PHKG1: variants seen among roughly 807,000 people sequenced by gnomAD.
The protein encoded by PHKG1 is phosphorylase b kinase gamma catalytic chain, skeletal muscle/heart isoform.
A neutral mutation model predicts 50.5 loss-of-function variants in PHKG1; 48 were observed. The ratio of observed to expected loss-of-function variants is 0.95; its 90% confidence interval spans 0.75 to 1.21. The LOEUF is 1.21. PHKG1 is among the 50% of genes most tolerant of loss of function. The probability of loss-of-function intolerance (pLI) is 0.00; values close to 1 mark genes in which losing one functional copy is unlikely to be tolerated. For synonymous variants in PHKG1, 204 were observed against 212.8 expected, an observed-to-expected ratio of 0.96 and a Z score of 0.36; for missense variants, 487 against 519.5, an observed-to-expected ratio of 0.94 and a Z score of 0.61.
intron 5 of PHKG1, 101 bp from the exon 6 acceptor site, chr7:56,083,542 C>G: frequency 6.6e-7 from 1 of 1,521,028 alleles, no homozygotes; most frequent in Non-Finnish European, 9.1e-7. Context: ...GGGAGCAGCA[C>G]ACACGCCCAG....
chr7:56,084,350 AGAAG>A, intron 4 of PHKG1: 1 of 611,410 alleles, frequency 1.6e-6, no homozygotes, highest in Middle Eastern at 2.6e-4. Context: ...GACCCAGATC[AGAAG>A]GACGTGAGTA....
chr7:56,086,935 C>G, intron 4 of PHKG1, 35 bp downstream of exon 4: 1 of 1,573,988 alleles, frequency 6.4e-7, no homozygotes, highest in Non-Finnish European at 8.7e-7. Flanking sequence ...CGGAGGTTCT[C>G]TCAGGTGTGG....
At position 56,092,842 on chromosome 7, in the gene PHKG1, G is replaced by T. The variant is rs1796540774; in HGVS notation, c.-41C>A. The T allele has an allele frequency of 6.6e-6, 1 of 152,364 alleles. No individual in the cohort carries two copies. 9.4% of individuals were successfully genotyped at this position (152,364 alleles called of 1,614,324 possible). ...CACTGGGCTAGCTACTCACGGTTAA[G>T]TGCTTGCAGGCTCTTGAAGGAGCTT... On this transcript the variant is annotated 5_prime_UTR_variant, in exon 1 of 10. Coordinates refer to ENST00000297373, the MANE Select transcript of PHKG1 (RefSeq NM_006213.5).
rs1796105307 is a variant in PHKG1, at chr7:56,083,318, A to G, written c.507T>C (p.Phe169=). The change falls in exon 6 of 10, where the codon TTT becomes TTC. Residue 169 remains phenylalanine (F), a synonymous_variant. Coordinates refer to ENST00000297373, the MANE Select transcript of PHKG1 (RefSeq NM_006213.5). ...CCGGCTCCAGCTGGCAGGAAAAGCC[A>G]AAGTCTGTGAGCTTGATGTTCATGT... ...DDNMNIKLTD[F]GFSCQLEPGE... 1 of 1,613,956 alleles carries G rather than the reference A, an allele frequency of 6.2e-7. No individual in the cohort carries two copies. Among genetic ancestry groups the G allele is most frequent in the African/African-American group, 1.3e-5 (1 of 74,930 alleles).
At position 56,083,629 on chromosome 7, in the gene PHKG1, G is replaced by T. The variant is rs112283230; in HGVS notation, c.383+21C>A. 3.9e-4 allele frequency: 618 copies of T among 1,572,582 alleles called. 3 individuals are homozygous for T. The African/African-American group carries it at 7.1e-3, about 18-fold the overall frequency. On this transcript the variant is annotated intron_variant, in intron 5 of 9. Transcript: ENST00000297373. ...TAAGCCACGTGGGAGGGAGCGGAGA[G>T]AAGGGCAAAGGGACCCTCACCTGGT...
In PHKG1 at chr7:56,083,144, C is replaced by G. The variant is rs1796097307; in HGVS notation, c.547+134G>C. On this transcript the variant is annotated intron_variant, in intron 6 of 9. Coordinates refer to ENST00000297373, the MANE Select transcript of PHKG1 (RefSeq NM_006213.5). ...AAGAAAGAAAAAGAAAAAAAAATCC[C>G]TAGCCCTTGAAATGGTGGAATTTTT... The G allele has an allele frequency of 5.3e-6, 4 of 750,324 alleles. No homozygotes were observed. The South Asian group carries it at 6.1e-5, about 11-fold the overall frequency. 46.5% of individuals were successfully genotyped at this position (750,324 alleles called of 1,614,324 possible). A position where few individuals can be genotyped will look rare whatever the true frequency, so the allele number is the denominator to read the frequency against.
At chr7:56,084,371 T>TTTA (rs1796160844) in intron 4 of PHKG1, 1 of 93,796 alleles carries the variant, frequency 1.1e-5, no homozygotes, top group African/African-American at 3.5e-5. Flanking sequence ...AGTATCCCGA[T>TTTA]TTTTTTTTTT....
chr7:56,091,282 C>T (rs557203328), intron 1 of PHKG1, among the ~76,000 whole-genome samples: 62 of 151,544 alleles, frequency 4.1e-4, no homozygotes, highest in African/African-American at 1.4e-3. Context: ...TTTGGGAGGC[C>T]GAGGCAGGAG....
Position 56,081,145 on chromosome 7 carries a change from C to T in PHKG1, c.1073G>A (p.Trp358Ter), listed in dbSNP as rs1185186306. ...DAYAFRIYGH[W>*]VKKGQQQNRA... ...GTTCTGCTGCTGCCCCTTCTTCACCCAGTGGCCATAGATTCGGAAAGCGTA... is the reference window on the plus strand; with the variant it reads ...GTTCTGCTGCTGCCCCTTCTTCACCTAGTGGCCATAGATTCGGAAAGCGTA... Residue 358 changes from tryptophan (W) to a stop codon, truncating the protein, a stop_gained, in exon 10 of 10, where the codon TGG becomes TAG. Transcript: ENST00000297373. LOFTEE classifies it high-confidence loss of function. This position sits in a 1 kb window ranked among gnomAD's most constrained non-coding sequence, Gnocchi z 4.6. The T allele has an allele frequency of 1.9e-6, 3 of 1,613,788 alleles. No homozygotes were observed. The highest frequency in any genetic ancestry group is 8.5e-7 in the Non-Finnish European group (1 of 1,179,926).
chr7:56,090,025 T>C (rs1796436079), intron 1 of PHKG1, among the ~76,000 whole-genome samples: 1 of 152,138 alleles, frequency 6.6e-6, no homozygotes, highest in Admixed American at 6.6e-5. Context: ...GTTGTGACTG[T>C]GTTCTCTGAA....
rs1407042813 is a variant in PHKG1 at position 56,081,214 on chromosome 7, C to T, written c.1004G>A (p.Arg335Gln). Residue 335 changes from arginine to glutamine, a missense_variant, in exon 10 of 10, where the codon CGA (arginine) becomes CAA (glutamine). Arg to Gln is a conservative substitution (Grantham distance 43). Coordinates refer to ENST00000297373, the MANE Select transcript of PHKG1 (RefSeq NM_006213.5). This position sits in a 1 kb window ranked among gnomAD's most constrained non-coding sequence, Gnocchi z 4.6. Reference sequence around the variant, plus strand: ...CAGAGGCCGGAGGGCATAGGGGTCTCGGATGACGATCTCCCGGGTCACAGG... The same window carrying T: ...CAGAGGCCGGAGGGCATAGGGGTCTTGGATGACGATCTCCCGGGTCACAGG... ...VKPVTREIVIRDPYALRPLRR... is the reference protein window; with the variant it reads ...VKPVTREIVIQDPYALRPLRR... The T allele has an allele frequency of 8.7e-6, 14 of 1,613,694 alleles. No homozygotes were observed. The highest frequency in any genetic ancestry group is 3.3e-5 in the Admixed American group (2 of 59,998).
chr7:56,086,369 G>C (rs143618044), intron 4 of PHKG1, among the ~76,000 whole-genome samples: 98 of 151,996 alleles, frequency 6.4e-4, no homozygotes, highest in Middle Eastern at 6.8e-3. Context: ...TAATAAAATA[G>C]AACAATTATA....
At chr7:56,087,986 C>T (rs1423889822) in intron 2 of PHKG1, among the ~76,000 whole-genome samples, 1 of 140,136 alleles carries the variant, frequency 7.1e-6, no homozygotes, top group African/African-American at 2.7e-5. Flanking sequence ...GCTCTCAGGC[C>T]GTGTGACTCT....
Position 56,082,238 on chromosome 7 carries a change from G to A in PHKG1, c.563C>T (p.Pro188Leu), listed in dbSNP as rs758449839. The change falls in exon 7 of 10, where the codon CCC (proline) becomes CTC (leucine). Residue 188 changes from proline (P) to leucine (L), a missense_variant. Coordinates refer to ENST00000297373, the MANE Select transcript of PHKG1 (RefSeq NM_006213.5). ...GERLREVCGT[P>L]SYLAPEIIEC... ...GATAATCTCAGGGGCCAGGTAACTG[G>A]GGGTCCCGCAGACCTCTGCAGGAAC... 2 of 1,613,486 alleles carry A rather than the reference G, an allele frequency of 1.2e-6. No individual in the cohort carries two copies. The highest frequency in any genetic ancestry group is 1.7e-6 in the Non-Finnish European group (2 of 1,179,932).
chr7:56,092,146 A>T (rs1024738354), intron 1 of PHKG1, among the ~76,000 whole-genome samples: 1 of 152,206 alleles, frequency 6.6e-6, no homozygotes, highest in Non-Finnish European at 1.5e-5. Context: ...TGGGGGGCTG[A>T]GGAGGCGGTT....
Position 56,089,835 on chromosome 7 carries a change from G to GT in PHKG1, c.-34-861dup, listed in dbSNP as rs553597413. Among the ~76,000 whole-genome samples, 921 of 151,926 alleles carry GT rather than the reference G, an allele frequency of 6.1e-3. 2 individuals carry two copies. Among genetic ancestry groups the GT allele is most frequent in the Non-Finnish European group, 8.7e-3 (594 of 67,936 alleles). On this transcript the variant is annotated intron_variant, in intron 1 of 9. Coordinates refer to ENST00000297373, the MANE Select transcript of PHKG1 (RefSeq NM_006213.5). ...CACCATGCCAGGCCCTAATATTTAA[G>GT]TTTTTTGTAGAGACGGGGTCTCCCT...
In PHKG1 at chr7:56,083,707, C is replaced by T. The variant is rs1426799657; in HGVS notation, c.326G>A (p.Arg109Lys). Residue 109 changes from arginine to lysine, a missense_variant, in exon 5 of 10, where the codon AGA (arginine) becomes AAA (lysine). Physicochemically the swap from Arg to Lys is conservative, Grantham distance 26 (BLOSUM62 2). Coordinates refer to ENST00000297373, the MANE Select transcript of PHKG1 (RefSeq NM_006213.5). ...AGTGAGGTAGTCAAAGAGCTCCCCT[C>T]TCTTCATCCTGTGGAAACAGAGGGT... The part of the protein sequence containing the change: ...FFFLVFDLMK[R>K]GELFDYLTEK... 1.3e-6 allele frequency: 2 copies of T among 1,577,292 alleles called. No individual in the cohort carries two copies. The highest frequency in any genetic ancestry group is 1.7e-6 in the Non-Finnish European group (2 of 1,158,194).
At chr7:56,083,738 G>A in intron 4 of PHKG1, 23 bp from the exon 5 acceptor site, 1 of 1,529,506 alleles carries the variant, frequency 6.5e-7, no homozygotes, top group Non-Finnish European at 8.9e-7. Flanking sequence ...AGGGTTGATA[G>A]CTGGATCGGT....
Position 56,081,643 on chromosome 7 carries a change from C to T in PHKG1, c.905G>A (p.Arg302Gln), listed in dbSNP as rs762492215. 2.0e-5 allele frequency: 33 copies of T among 1,613,440 alleles called. No homozygotes were observed. Among genetic ancestry groups the T allele is most frequent in the East Asian group, 4.5e-5 (2 of 44,886 alleles). ...LVEEVRHFSP[R>Q]GKFKVIALTV... is the part of the protein sequence containing the mutation. ...GACGCTTAGTACCTTGAACTTCCCCCGGGGGCTGAAGTGCCGCACTTCCTC... is the reference window on the plus strand; with the variant it reads ...GACGCTTAGTACCTTGAACTTCCCCTGGGGGCTGAAGTGCCGCACTTCCTC... The change falls in exon 9 of 10, where the codon CGG becomes CAG. Residue 302 changes from arginine (R) to glutamine (Q), a missense_variant. By Grantham distance (43) the Arg-to-Gln change is conservative. Transcript: ENST00000297373. This position sits in a 1 kb window ranked among gnomAD's most constrained non-coding sequence, Gnocchi z 4.6.
Sources: gnomAD v4.1 joint callset for allele counts (sites outside exome capture counted in the v4.1 genomes callset) on GRCh38, gnomAD v4.1.1 for gene constraint, Gnocchi (gnomAD v3.1) non-coding constraint, MANE v1.5 for transcripts, NCBI Gene and HGNC (gene_info 2026-07-23, HGNC 2026-07-21) for gene names.